Variants in DAAM2 observed in about 807,000 individuals in gnomAD.
DAAM2 encodes the protein dishevelled associated activator of morphogenesis 2.
In DAAM2, 39 loss-of-function variants were observed where a neutral mutation model predicts 120.7. That is an observed-to-expected ratio of 0.32 (90% CI 0.25 to 0.42). The LOEUF is 0.42. DAAM2 is among the 10% of genes least tolerant of loss of function. The pLI is 1.00. For synonymous variants in DAAM2, 488 were observed against 524.9 expected (o/e 0.93, Z 0.96); for missense variants, 1,283 against 1,401.7 (o/e 0.92, Z 1.35).
At chr6:39,818,773 C>CT (rs1762390725) in intron 1 of DAAM2, 1 of 152,078 alleles carries the variant, frequency 6.6e-6, no homozygotes, top group African/African-American at 2.4e-5. Flanking sequence ...CTTTAGGTTC[C>CT]TTTTTCTTGC....
intron 11 of DAAM2, among the ~76,000 whole-genome samples, chr6:39,876,051 G>T (rs1398034168): frequency 6.6e-6 from 1 of 152,188 alleles, no homozygotes; most frequent in Non-Finnish European, 1.5e-5. Context: ...TAGAAAGTTT[G>T]CTGACCACTG....
In DAAM2 at chr6:39,891,694, G is replaced by A; in HGVS notation, c.2313G>A (p.Arg771=). The A allele has an allele frequency of 6.2e-7, 1 of 1,606,434 alleles. No homozygotes were observed. The highest frequency in any genetic ancestry group is 8.5e-7 in the Non-Finnish European group (1 of 1,176,436). Residue 771 remains arginine (R), a synonymous_variant, in exon 19 of 25, where the codon CGG becomes CGA. Transcript: ENST00000274867. ...ALFFKKKFQE[R]LAEAKPKVEA... ...TCTTCAAGAAGAAATTCCAGGAGCG[G>A]CTGGCTGAGGCAAAGCCCAAAGTGG...
Position 39,865,551 on chromosome 6 carries a change from T to C in DAAM2, c.428+477T>C, listed in dbSNP as rs117068750. On this transcript the variant is annotated intron_variant, in intron 5 of 24. Transcript: ENST00000274867. ...ATCTAGAATGGGAGCAACGCAGGCA[T>C]GGAAAATGGGGTAGAAGTCCTGGAG... Among the ~76,000 whole-genome samples the C allele has an allele frequency of 5.9e-4, 90 of 152,114 alleles. 2 individuals are homozygous for C. In the East Asian group the frequency reaches 0.015, roughly 25 times the overall value.
chr6:39,798,862 T>C (rs1232867852), intron 1 of DAAM2, among the ~76,000 whole-genome samples: 1 of 133,952 alleles, frequency 7.5e-6, no homozygotes, highest in African/African-American at 2.6e-5. Flanking sequence ...GGCACACAAC[T>C]CTGTCATCAC....
rs1766448607 is a variant in DAAM2, at chr6:39,901,063, C to T, written c.2812-239C>T. 6.6e-6 allele frequency among the ~76,000 whole-genome samples: 1 copy of T among 152,100 alleles called. No individual in the cohort carries two copies. The highest frequency in any genetic ancestry group is 2.4e-5 in the African/African-American group (1 of 41,428). On this transcript the variant is annotated intron_variant, in intron 23 of 24. Transcript: ENST00000274867. This position sits in a 1 kb window ranked among gnomAD's most constrained non-coding sequence, Gnocchi z 4.5. ...GACCTCATGCCTACCCCTTACAGGCCCAGGGGTGGCTCTAAGGTGGACTGA... is the reference window on the plus strand; with the variant it reads ...GACCTCATGCCTACCCCTTACAGGCTCAGGGGTGGCTCTAAGGTGGACTGA...
chr6:39,883,172 A>C (rs1473743999), intron 14 of DAAM2, among the ~76,000 whole-genome samples: 1 of 132,560 alleles, frequency 7.5e-6, no homozygotes, highest in African/African-American at 3.0e-5. Context: ...GGGTGCTACG[A>C]GACTGCCAGG....
intron 17 of DAAM2, among the ~76,000 whole-genome samples, chr6:39,889,995 G>A (rs1765607129): frequency 6.6e-6 from 1 of 152,060 alleles, no homozygotes; most frequent in Non-Finnish European, 1.5e-5. Context: ...AGGTGTGATG[G>A]TGCATGCCTG....
At chr6:39,852,651 C>T (rs1183969985) in intron 1 of DAAM2, among the ~76,000 whole-genome samples, 3 of 152,214 alleles carry the variant, frequency 2.0e-5, no homozygotes, top group Non-Finnish European at 4.4e-5. Context: ...TCTATTACTT[C>T]CTGTACTCCT....
intron 1 of DAAM2, among the ~76,000 whole-genome samples, chr6:39,798,399 A>G (rs548626289): frequency 2.0e-5 from 3 of 152,206 alleles, no homozygotes; most frequent in African/African-American, 4.8e-5. Flanking sequence ...AGTTACTAGC[A>G]ATCAGCCACA....
intron 1 of DAAM2, among the ~76,000 whole-genome samples, chr6:39,814,144 T>A (rs1295567733): frequency 6.6e-6 from 1 of 151,716 alleles, no homozygotes; most frequent in Non-Finnish European, 1.5e-5. Flanking sequence ...GTTATGAGAT[T>A]TTTGCAAGGT....
In DAAM2 at chr6:39,902,097, T is replaced by G. The variant is rs1766529301; in HGVS notation, c.*60T>G. 4 of 1,405,720 alleles carry G rather than the reference T, an allele frequency of 2.8e-6. No homozygotes were observed. Among genetic ancestry groups the G allele is most frequent in the Non-Finnish European group, 3.9e-6 (4 of 1,024,058 alleles). 87.1% of individuals were successfully genotyped at this position (1,405,720 alleles called of 1,614,324 possible). ...AGGGACTGGTGAGAATGGGGCTGAGTGGAGGAGGTGGTGATATTTAAACCA... is the reference window on the plus strand; with the variant it reads ...AGGGACTGGTGAGAATGGGGCTGAGGGGAGGAGGTGGTGATATTTAAACCA... On this transcript the variant is annotated 3_prime_UTR_variant, in exon 25 of 25. Coordinates refer to ENST00000274867, the MANE Select transcript of DAAM2 (RefSeq NM_001201427.2).
At position 39,901,499 on chromosome 6, in the gene DAAM2, T is replaced by C. The variant is rs749216485; in HGVS notation, c.2982+27T>C. The C allele has an allele frequency of 6.3e-7, 1 of 1,591,742 alleles. No homozygotes were observed. The highest frequency in any genetic ancestry group is 8.5e-7 in the Non-Finnish European group (1 of 1,174,332). On this transcript the variant is annotated intron_variant, in intron 24 of 24. Transcript: ENST00000274867. This position sits in a 1 kb window ranked among gnomAD's most constrained non-coding sequence, Gnocchi z 4.5. ...TGAGGGGCAGTGCCAGGCCTGGGAC[T>C]GAGGGGAGACGGGTGCTACTTGGGG...
Position 39,873,313 on chromosome 6 carries a change from C to T in DAAM2, c.1120C>T (p.Pro374Ser), listed in dbSNP as rs759600690. Residue 374 changes from proline (P) to serine (S), a missense_variant, in exon 10 of 25, where the codon CCC becomes TCC. Pro to Ser is a moderately conservative substitution (Grantham distance 74, BLOSUM62 -1). Coordinates refer to ENST00000274867, the MANE Select transcript of DAAM2 (RefSeq NM_001201427.2). ...HKKLKYTEAYPCLLSVLHHCL... is the reference protein window; with the variant it reads ...HKKLKYTEAYSCLLSVLHHCL... ...GAAGCTGAAGTACACGGAGGCCTACCCCTGCCTGCTCTCTGTGCTGCACCA... is the reference window on the plus strand; with the variant it reads ...GAAGCTGAAGTACACGGAGGCCTACTCCTGCCTGCTCTCTGTGCTGCACCA... The T allele has an allele frequency of 1.2e-6, 2 of 1,613,632 alleles. No homozygotes were observed. The highest frequency in any genetic ancestry group is 2.2e-5 in the South Asian group (2 of 90,896).
intron 1 of DAAM2, among the ~76,000 whole-genome samples, chr6:39,834,352 C>T (rs1763025439): frequency 6.6e-6 from 1 of 152,158 alleles, no homozygotes; most frequent in Non-Finnish European, 1.5e-5. Context: ...TTTTCACTAA[C>T]TGTTTGGGTG....
intron 14 of DAAM2, chr6:39,883,754 A>C: frequency 3.8e-6 from 2 of 524,628 alleles, no homozygotes; most frequent in Non-Finnish European, 6.8e-6. Flanking sequence ...CAAGGGAGGA[A>C]AAGGGGGTTG....
intron 5 of DAAM2, among the ~76,000 whole-genome samples, chr6:39,865,580 T>C (rs1222151572): frequency 1.3e-5 from 2 of 152,056 alleles, no homozygotes; most frequent in East Asian, 1.9e-4. Context: ...CCTGGAGCCA[T>C]AGGAGGACAC....
chr6:39,814,767 T>A (rs915837127), intron 1 of DAAM2, among the ~76,000 whole-genome samples: 23 of 152,092 alleles, frequency 1.5e-4, no homozygotes, highest in Non-Finnish European at 2.4e-4. Flanking sequence ...CTGTATGGAG[T>A]GTGTATCAAG....
chr6:39,828,612 G>T (rs1762766571), intron 1 of DAAM2, among the ~76,000 whole-genome samples: 1 of 145,988 alleles, frequency 6.8e-6, no homozygotes, highest in African/African-American at 2.6e-5. Context: ...CGCCAGGCTG[G>T]AGTGCAATGG....
chr6:39,805,849 GC>G (rs1338746002), intron 1 of DAAM2, among the ~76,000 whole-genome samples: 5 of 152,130 alleles, frequency 3.3e-5, no homozygotes, highest in Non-Finnish European at 5.9e-5. Flanking sequence ...ACCGTGCCCG[GC>G]CCCTAAGGTA....
Sources: allele counts gnomAD v4.1 joint callset (sites outside exome capture counted in the v4.1 genomes callset), GRCh38; gene constraint gnomAD v4.1.1; non-coding constraint Gnocchi (gnomAD v3.1); transcripts MANE v1.5; gene names NCBI Gene and HGNC (gene_info 2026-07-23, HGNC 2026-07-21).